EVA1C: variants seen among roughly 807,000 people sequenced by gnomAD.
The protein encoded by EVA1C is protein eva-1 homolog C.
EVA1C carries 25 observed loss-of-function variants against 45.4 expected under a neutral mutation model. That is an observed-to-expected ratio of 0.55 (90% CI 0.40 to 0.77). EVA1C has a LOEUF of 0.77. Ranked by LOEUF, EVA1C falls within the 30% of genes least tolerant of loss-of-function variation. The pLI, the probability that EVA1C is intolerant of heterozygous loss-of-function variation, is 0.00. For synonymous variants in EVA1C, 190 were observed against 221.2 expected, an observed-to-expected ratio of 0.86 and a Z score of 1.25; for missense variants, 479 against 554.8, an observed-to-expected ratio of 0.86 and a Z score of 1.37.
intron 1 of EVA1C, among the ~76,000 whole-genome samples, chr21:32,437,141 C>A (rs1343671655): frequency 1.3e-5 from 2 of 151,960 alleles, no homozygotes; most frequent in Non-Finnish European, 2.9e-5. Flanking sequence ...GCCTGGGCGA[C>A]AGAGCGAGAC....
At chr21:32,451,933 C>A (rs575046636) in intron 1 of EVA1C, among the ~76,000 whole-genome samples, 1 of 152,330 alleles carries the variant, frequency 6.6e-6, no homozygotes, top group African/African-American at 2.4e-5. Context: ...TTTGAGGGGA[C>A]ATCATTCAAC....
intron 2 of EVA1C, among the ~76,000 whole-genome samples, chr21:32,455,226 T>A (rs2035733948): frequency 1.3e-5 from 2 of 151,872 alleles, no homozygotes; most frequent in Admixed American, 1.3e-4. Flanking sequence ...GGCAGAAGAA[T>A]GGAAGGGGCA....
intron 7 of EVA1C, among the ~76,000 whole-genome samples, chr21:32,505,933 T>G (rs1309478351): frequency 6.6e-6 from 1 of 152,106 alleles, no homozygotes; most frequent in Non-Finnish European, 1.5e-5. Flanking sequence ...TGTTCTGCAC[T>G]TGAAGCCGGT....
intron 7 of EVA1C, among the ~76,000 whole-genome samples, chr21:32,513,048 T>C (rs2038009932): frequency 6.6e-6 from 1 of 150,882 alleles, no homozygotes; most frequent in African/African-American, 2.4e-5. Context: ...ATAAGCATTA[T>C]AATACTTACA....
At chr21:32,511,988 T>C (rs1048047488) in intron 7 of EVA1C, among the ~76,000 whole-genome samples, 4 of 151,910 alleles carry the variant, frequency 2.6e-5, no homozygotes, top group Admixed American at 6.6e-5. Flanking sequence ...TACAGCGATA[T>C]GATATTAAAT....
At chr21:32,496,330 C>G (rs2037351969) in intron 5 of EVA1C, among the ~76,000 whole-genome samples, 1 of 152,160 alleles carries the variant, frequency 6.6e-6, no homozygotes, top group African/African-American at 2.4e-5. Flanking sequence ...TGTCTCAGTA[C>G]TTTATTTCTT....
chr21:32,510,946 G>A (rs1428145717), intron 7 of EVA1C, among the ~76,000 whole-genome samples: 1 of 152,168 alleles, frequency 6.6e-6, no homozygotes, highest in African/African-American at 2.4e-5. Flanking sequence ...AGGCTGAGGT[G>A]AGAAGATTGT....
rs571904983 is a variant in EVA1C, at chr21:32,513,311, C to T, written c.950-1503C>T. On this transcript the variant is annotated intron_variant, in intron 7 of 7. Transcript: ENST00000300255. The stretch of plus-strand genomic sequence containing the variant: ...CCTGCCTCAGCCTCCTGAGTAGCTG[C>T]GACTACAGGCGCCCGCCACCACACC... Among the ~76,000 whole-genome samples the T allele has an allele frequency of 7.5e-4, 111 of 147,994 alleles. 1 individual carries two copies. The highest frequency in any genetic ancestry group is 2.1e-3 in the African/African-American group (86 of 40,902).
intron 1 of EVA1C, among the ~76,000 whole-genome samples, chr21:32,451,703 G>A (rs1334807154): frequency 6.6e-6 from 1 of 152,170 alleles, no homozygotes; most frequent in African/African-American, 2.4e-5. Context: ...TCCAGCTTTG[G>A]GTGGTGGCCG....
intron 4 of EVA1C, among the ~76,000 whole-genome samples, chr21:32,475,601 G>A (rs2036526764): frequency 6.6e-6 from 1 of 150,408 alleles, no homozygotes; most frequent in Non-Finnish European, 1.5e-5. Context: ...GTTTTTCCAC[G>A]TGGCCAAAAA....
chr21:32,415,976 G>A (rs972157383), intron 1 of EVA1C, among the ~76,000 whole-genome samples: 1 of 152,106 alleles, frequency 6.6e-6, no homozygotes, highest in African/African-American at 2.4e-5. Context: ...ATTCATCATT[G>A]ACTTAAAAAA....
intron 4 of EVA1C, among the ~76,000 whole-genome samples, chr21:32,491,545 C>T (rs535776865): frequency 1.1e-4 from 16 of 151,726 alleles, no homozygotes; most frequent in Middle Eastern, 6.8e-3. Flanking sequence ...AAAAATTAGC[C>T]GGGCATGGTG....
intron 1 of EVA1C, among the ~76,000 whole-genome samples, chr21:32,437,536 T>G (rs1203552962): frequency 6.6e-6 from 1 of 152,220 alleles, no homozygotes; most frequent in Non-Finnish European, 1.5e-5. Context: ...AGATTCAGAC[T>G]TCTTAGCAAG....
At chr21:32,501,165 T>C (rs1297738485) in intron 5 of EVA1C, among the ~76,000 whole-genome samples, 2 of 152,202 alleles carry the variant, frequency 1.3e-5, no homozygotes, top group African/African-American at 4.8e-5. Flanking sequence ...TATCATATCT[T>C]GTTTTTATTC....
chr21:32,449,245 G>A (rs2035486359), intron 1 of EVA1C, among the ~76,000 whole-genome samples: 1 of 152,182 alleles, frequency 6.6e-6, no homozygotes. Flanking sequence ...TAGTTTACAT[G>A]AGGGCTCACT....
At chr21:32,502,057 T>TCTG (rs1568950051) in intron 6 of EVA1C, among the ~76,000 whole-genome samples, 1 of 107,658 alleles carries the variant, frequency 9.3e-6, no homozygotes, top group Non-Finnish European at 2.0e-5. Context: ...TCTTTCTTCT[T>TCTG]TCTTTCTTTC....
chr21:32,482,005 G>A (rs1400346203), intron 4 of EVA1C, among the ~76,000 whole-genome samples: 1 of 152,160 alleles, frequency 6.6e-6, no homozygotes, highest in African/African-American at 2.4e-5. Context: ...TTTCCTACCT[G>A]ACGTTAGGTG....
intron 3 of EVA1C, among the ~76,000 whole-genome samples, chr21:32,467,065 T>TAGGTTTGAGCCC (rs1471442367): frequency 6.6e-6 from 1 of 152,138 alleles, no homozygotes; most frequent in Non-Finnish European, 1.5e-5. Context: ...TGCTTGAGCC[T>TAGGTTTGAGCCC]AGGTTTGAGC....
chr21:32,502,020 CT>C (rs780704228), intron 6 of EVA1C, among the ~76,000 whole-genome samples: 1 of 135,642 alleles, frequency 7.4e-6, no homozygotes, highest in Non-Finnish European at 1.5e-5. Flanking sequence ...TTCTTTCTTT[CT>C]TTCTTTCTTT....
Sources: gnomAD v4.1 joint callset for allele counts (sites outside exome capture counted in the v4.1 genomes callset) on GRCh38, gnomAD v4.1.1 for gene constraint, MANE v1.5 for transcripts, NCBI Gene and HGNC (gene_info 2026-07-23, HGNC 2026-07-21) for gene names.